The following TANC1 variants were observed in gnomAD, a reference collection of about 807,000 sequenced individuals.
TANC1 encodes tetratricopeptide repeat, ankyrin repeat and coiled-coil containing 1, also known as protein TANC1.
Under a neutral mutation model 149.7 loss-of-function variants are expected in TANC1, and 77 were observed. The observed-to-expected ratio is 0.51, with a 90% CI of 0.43 to 0.62. The LOEUF (loss-of-function observed/expected upper bound fraction) is 0.62, where lower values mean the gene tolerates loss of function less well. Among genes scored for constraint, TANC1 ranks in the 20% least tolerant of loss-of-function variants. The pLI is 0.00. For synonymous variants in TANC1, 854 were observed against 925.0 expected, an observed-to-expected ratio of 0.92 and a Z score of 1.39; for missense variants, 1,985 against 2,321.8, an observed-to-expected ratio of 0.85 and a Z score of 2.98.
chr2:159,090,659 T>C (rs1011393088), intron 3 of TANC1, among the ~76,000 whole-genome samples: 1 of 152,170 alleles, frequency 6.6e-6, no homozygotes, highest in Non-Finnish European at 1.5e-5. Context: ...GAATCCCAAA[T>C]TCCATGCAGA....
chr2:159,043,211 G>T (rs6735446), intron 2 of TANC1, among the ~76,000 whole-genome samples: 8 of 152,184 alleles, frequency 5.3e-5, no homozygotes, highest in African/African-American at 1.9e-4. Flanking sequence ...GTCAGAGCTG[G>T]TGTTGATAAA....
chr2:158,969,221 C>CGGGGGAGGCGGGGGGAGGCG (rs879894616), intron 1 of TANC1, among the ~76,000 whole-genome samples: 2 of 152,110 alleles, frequency 1.3e-5, no homozygotes, highest in Non-Finnish European at 2.9e-5. Flanking sequence ...GTACCTGGCG[C>CGGGGGAGGCGGGGGGAGGCG]GGGGGAGGCG....
At chr2:159,128,974 C>T (rs1057216501) in intron 4 of TANC1, among the ~76,000 whole-genome samples, 4 of 152,126 alleles carry the variant, frequency 2.6e-5, no homozygotes, top group Admixed American at 6.5e-5. Context: ...TTATTTTCCT[C>T]ATCTTGTGAA....
intron 2 of TANC1, among the ~76,000 whole-genome samples, chr2:159,021,125 C>T (rs931046739): frequency 3.3e-5 from 5 of 151,980 alleles, no homozygotes; most frequent in Non-Finnish European, 5.9e-5. Flanking sequence ...AAGAAAAGAC[C>T]GTACTTCATT....
At chr2:158,971,786 GATTTACAC>G (rs1362584267) in intron 1 of TANC1, among the ~76,000 whole-genome samples, 3 of 152,188 alleles carry the variant, frequency 2.0e-5, no homozygotes, top group African/African-American at 7.2e-5. Flanking sequence ...ATAAGGGCTT[GATTTACAC>G]ATTTTATCCC....
At chr2:159,017,909 G>A (rs78507985) in intron 2 of TANC1, among the ~76,000 whole-genome samples, 593 of 152,226 alleles carry the variant, frequency 3.9e-3, no homozygotes, top group Non-Finnish European at 7.2e-3. Flanking sequence ...TTAGAAAGTG[G>A]CAGCATGTAG....
At chr2:159,217,668 G>T (rs1489781618) in intron 20 of TANC1, 38 bp downstream of exon 20, 4 of 1,609,988 alleles carry the variant, frequency 2.5e-6, no homozygotes, top group Non-Finnish European at 2.5e-6. Context: ...GAAGCAATGA[G>T]TGGGGATGGA....
intron 2 of TANC1, among the ~76,000 whole-genome samples, chr2:159,007,623 A>G (rs1410087052): frequency 6.6e-6 from 1 of 152,170 alleles, no homozygotes; most frequent in African/African-American, 2.4e-5. Context: ...AGATTTGTGT[A>G]AGTACACTCT....
At chr2:159,035,470 C>T (rs1179259824) in intron 2 of TANC1, among the ~76,000 whole-genome samples, 1 of 152,144 alleles carries the variant, frequency 6.6e-6, no homozygotes, top group South Asian at 2.1e-4. Flanking sequence ...AGTAAAAGTT[C>T]ATAATTTTTT....
At chr2:159,032,292 G>A (rs917922289) in intron 2 of TANC1, among the ~76,000 whole-genome samples, 5 of 152,198 alleles carry the variant, frequency 3.3e-5, no homozygotes, top group Admixed American at 3.3e-4. Context: ...GCCTGTCCTG[G>A]TTTCCGTTGG....
intron 19 of TANC1, among the ~76,000 whole-genome samples, chr2:159,213,868 G>C (rs2059164147): frequency 6.6e-6 from 1 of 152,150 alleles, no homozygotes; most frequent in Non-Finnish European, 1.5e-5. Context: ...GCTCGCACCT[G>C]TAATCCCAGC....
chr2:158,994,716 A>G (rs1356243197), intron 1 of TANC1, among the ~76,000 whole-genome samples: 1 of 152,248 alleles, frequency 6.6e-6, no homozygotes, highest in Non-Finnish European at 1.5e-5. Context: ...TTTGTAATCA[A>G]GTTGATTTAT....
intron 2 of TANC1, among the ~76,000 whole-genome samples, chr2:159,032,174 G>T (rs1358393848): frequency 1.3e-5 from 2 of 152,166 alleles, no homozygotes; most frequent in Non-Finnish European, 2.9e-5. Context: ...TTATAATCTG[G>T]TGAGGAGCTT....
chr2:159,131,290 G>A lies in TANC1; in HGVS notation c.260-4904G>A, dbSNP rs2050064217. On this transcript the variant is annotated intron_variant, in intron 4 of 26. Transcript: ENST00000263635. ...GTTTAGCTCTTGAATCTCTCTCCAT[G>A]GTCTTAGAATTGAGCCTTTCCAGAG... Among the ~76,000 whole-genome samples the A allele has an allele frequency of 2.0e-5, 3 of 152,260 alleles. No homozygotes were observed. In the South Asian group the frequency reaches 6.2e-4, roughly 32 times the overall value.
chr2:159,023,076 G>C (rs72936437), intron 2 of TANC1, among the ~76,000 whole-genome samples: 2,981 of 152,260 alleles, frequency 0.02, 46 homozygotes, highest in East Asian at 0.069. Context: ...GCATATAGTG[G>C]GAGCATAGGG....
chr2:159,160,716 C>T (rs2053965059), intron 7 of TANC1, among the ~76,000 whole-genome samples: 1 of 152,168 alleles, frequency 6.6e-6, no homozygotes. Context: ...ATTTTCCAGC[C>T]TCCCTGCCTC....
intron 14 of TANC1, among the ~76,000 whole-genome samples, chr2:159,182,140 C>T (rs1215710810): frequency 1.3e-5 from 2 of 151,728 alleles, no homozygotes. Context: ...ACCCAGGAGG[C>T]GAAGGTTGCA....
At chr2:159,117,950 TCTCTA>T (rs2048456748) in intron 4 of TANC1, among the ~76,000 whole-genome samples, 2 of 34,384 alleles carry the variant, frequency 5.8e-5, no homozygotes, top group South Asian at 1.3e-3. Context: ...CTGGAGTTTT[TCTCTA>T]CTGGAGTTTT....
chr2:159,197,347 C>T (rs1347916751), intron 18 of TANC1, among the ~76,000 whole-genome samples: 2 of 152,318 alleles, frequency 1.3e-5, no homozygotes, highest in South Asian at 4.1e-4. Context: ...ATTTAATTGT[C>T]ACCTCCTGAC....
Sources: allele counts gnomAD v4.1 joint callset (sites outside exome capture counted in the v4.1 genomes callset), GRCh38; gene constraint gnomAD v4.1.1; transcripts MANE v1.5; gene names NCBI Gene and HGNC (gene_info 2026-07-23, HGNC 2026-07-21).